The following PARG variants were observed in gnomAD, a reference collection of about 807,000 sequenced individuals.
PARG encodes mitochondrial poly(ADP-ribose) glycohydrolase.
A neutral mutation model predicts 113.0 loss-of-function variants in PARG; 35 were observed. The ratio of observed to expected loss-of-function variants is 0.31; its 90% CI spans 0.24 to 0.41. The LOEUF is 0.41. Among genes scored for constraint, PARG ranks in the 10% least tolerant of loss-of-function variants. The pLI is 1.00. For missense variants in PARG, 797 were observed against 1,169.4 expected (o/e 0.68, Z 4.64); for synonymous variants, 330 against 409.9 (o/e 0.81, Z 2.36).
chr10:49,839,201 G>A (rs915035538), intron 15 of PARG, among the ~76,000 whole-genome samples: 6 of 152,248 alleles, frequency 3.9e-5, no homozygotes, highest in African/African-American at 1.4e-4. Context: ...GCCTGGCGTG[G>A]TGGTGCATGC....
At chr10:49,908,158 C>T (rs1554845424) in intron 7 of PARG, among the ~76,000 whole-genome samples, 1 of 152,154 alleles carries the variant, frequency 6.6e-6, no homozygotes, top group Non-Finnish European at 1.5e-5. Context: ...TCAACTAAGA[C>T]TGATATTCCA....
At chr10:49,892,623 C>T (rs541172143) in intron 7 of PARG, among the ~76,000 whole-genome samples, 2 of 152,230 alleles carry the variant, frequency 1.3e-5, no homozygotes, top group East Asian at 3.9e-4. Context: ...AATAACTGTA[C>T]ACTGAATACC....
At chr10:49,908,496 C>T (rs1224456088) in intron 7 of PARG, 1 of 151,940 alleles carries the variant, frequency 6.6e-6, no homozygotes, top group Non-Finnish European at 1.5e-5. Context: ...GGAAGAGGTC[C>T]AAAAAGGTTA....
chr10:49,880,795 C>G (rs1847175360), intron 8 of PARG, among the ~76,000 whole-genome samples: 1 of 152,080 alleles, frequency 6.6e-6, no homozygotes, highest in Admixed American at 6.5e-5. Flanking sequence ...ACTGATGAAA[C>G]AAATCTTTTT....
intron 16 of PARG, among the ~76,000 whole-genome samples, chr10:49,830,177 G>C (rs529886376): frequency 2.0e-5 from 3 of 152,286 alleles, no homozygotes; most frequent in Non-Finnish European, 2.9e-5. Flanking sequence ...GAAAAGAAGT[G>C]AACACATTTA....
chr10:49,877,486 T>A (rs1847002422), intron 9 of PARG, among the ~76,000 whole-genome samples: 1 of 144,184 alleles, frequency 6.9e-6, no homozygotes, highest in Admixed American at 7.1e-5. Flanking sequence ...CTAAATACCG[T>A]TGTACAATAA....
At chr10:49,885,441 G>A in intron 7 of PARG, 146 bp from the exon 8 acceptor site, 1 of 618,674 alleles carries the variant, frequency 1.6e-6, no homozygotes, top group Non-Finnish European at 2.9e-6. Context: ...CCAAACACAT[G>A]TACAAATGCA....
chr10:49,933,579 T>C lies in PARG; in HGVS notation c.869A>G (p.Asn290Ser). 2 of 1,611,756 alleles carry C rather than the reference T, an allele frequency of 1.2e-6. No homozygotes were observed. The highest frequency in any genetic ancestry group is 1.7e-6 in the Non-Finnish European group (2 of 1,178,002). Residue 290 changes from asparagine (N) to serine (S), a missense_variant, in exon 3 of 18, where the codon AAT becomes AGT. By Grantham distance (46) the Asn-to-Ser change is conservative. Coordinates refer to ENST00000616448, the MANE Select transcript of PARG (RefSeq NM_003631.5). ...KLTRQESCLG[N>S]SPPFEKESEP... The stretch of plus-strand genomic sequence containing the variant: ...ACTTTCCTTCTCAAATGGAGGAGAA[T>C]TTCCTAGGCAACTTTCTTGTCTAGT...
intron 16 of PARG, among the ~76,000 whole-genome samples, chr10:49,828,837 T>G (rs1844504601): frequency 6.6e-6 from 1 of 152,122 alleles, no homozygotes; most frequent in African/African-American, 2.4e-5. Context: ...ATCGCGCCAT[T>G]GCACCCTAGC....
intron 15 of PARG, chr10:49,833,297 G>C (rs1454354832): frequency 6.5e-6 from 1 of 153,330 alleles, no homozygotes; most frequent in African/African-American, 2.4e-5. Flanking sequence ...TGTTAGAACA[G>C]TTTTCTTTTT....
intron 7 of PARG, among the ~76,000 whole-genome samples, chr10:49,905,111 C>G (rs1447691047): frequency 6.6e-6 from 1 of 152,282 alleles, no homozygotes; most frequent in African/African-American, 2.4e-5. Context: ...ATAAGACGAG[C>G]TTTTCCTTTG....
At chr10:49,842,636 T>C (rs1845300481) in intron 14 of PARG, among the ~76,000 whole-genome samples, 1 of 152,186 alleles carries the variant, frequency 6.6e-6, no homozygotes, top group Non-Finnish European at 1.5e-5. Context: ...ATGTTGCCTG[T>C]GGAAATAGAA....
At chr10:49,833,094 A>C (rs977825580) in intron 15 of PARG, 186 bp from the exon 16 acceptor site, 4 of 417,912 alleles carry the variant, frequency 9.6e-6, no homozygotes, top group Non-Finnish European at 1.7e-5. Flanking sequence ...GGGATTATGC[A>C]AGGAAGAGAC....
intron 7 of PARG, among the ~76,000 whole-genome samples, chr10:49,894,459 C>CT (rs1331034790): frequency 6.6e-6 from 1 of 152,050 alleles, no homozygotes; most frequent in Non-Finnish European, 1.5e-5. Flanking sequence ...CCTAGGAAAT[C>CT]TTTGTCGACT....
At chr10:49,896,793 G>A (rs4012647) in intron 7 of PARG, among the ~76,000 whole-genome samples, 156 of 151,740 alleles carry the variant, frequency 1.0e-3, no homozygotes, top group African/African-American at 3.6e-3. Context: ...TACTAGTATC[G>A]GAGGTATATA....
chr10:49,888,139 T>C (rs1402289528), intron 7 of PARG, among the ~76,000 whole-genome samples: 5 of 152,148 alleles, frequency 3.3e-5, no homozygotes, highest in Admixed American at 2.6e-4. Context: ...GTGTAGACTT[T>C]ACCTTCCTTT....
Position 49,842,759 on chromosome 10 carries a change from A to T in PARG, c.2433-701T>A, listed in dbSNP as rs371821593. On this transcript the variant is annotated intron_variant, in intron 14 of 17. Coordinates refer to ENST00000616448, the MANE Select transcript of PARG (RefSeq NM_003631.5). Reference sequence around the variant, plus strand: ...CAACTTTTCAAACTGAAAACCAACAATAGAAATCTTCATGCTGGTTTGTAA... The same window carrying T: ...CAACTTTTCAAACTGAAAACCAACATTAGAAATCTTCATGCTGGTTTGTAA... 5.3e-5 allele frequency among the ~76,000 whole-genome samples: 8 copies of T among 152,342 alleles called. No homozygotes were observed. In the East Asian group the frequency reaches 9.6e-4, roughly 18 times the overall value.
intron 15 of PARG, among the ~76,000 whole-genome samples, chr10:49,840,763 G>A (rs924857274): frequency 6.6e-6 from 1 of 152,170 alleles, no homozygotes; most frequent in African/African-American, 2.4e-5. Context: ...TGTAAGTGTA[G>A]TAAAAATCTG....
chr10:49,879,736 A>G lies in PARG; in HGVS notation c.1925T>C (p.Phe642Ser), dbSNP rs1554839060. 6.3e-7 allele frequency: 1 copy of G among 1,578,856 alleles called. No homozygotes were observed. Among genetic ancestry groups the G allele is most frequent in the Non-Finnish European group, 8.6e-7 (1 of 1,161,076 alleles). Residue 642 changes from phenylalanine (F) to serine (S), a missense_variant, in exon 9 of 18, where the codon TTT (phenylalanine) becomes TCT (serine). Around this residue, in one of 5 missense-constraint regions of PARG, gnomAD observed 252 missense variants for 437.4 expected, o/e 0.58. Transcript: ENST00000616448. Reference sequence around the variant, plus strand: ...TTTCATCTTAGCATTTCGTCGTGGAAATGTGCAGAAGAAAGCATTAGCTAA... The same window carrying G: ...TTTCATCTTAGCATTTCGTCGTGGAGATGTGCAGAAGAAAGCATTAGCTAA... ...SLLANAFFCT[F>S]PRRNAKMKSE...
Sources: gnomAD v4.1 joint callset for allele counts (sites outside exome capture counted in the v4.1 genomes callset) on GRCh38, gnomAD v4.1.1 for gene constraint, gnomAD v4.1.1 regional missense constraint, MANE v1.5 for transcripts, NCBI Gene and HGNC (gene_info 2026-07-23, HGNC 2026-07-21) for gene names.